The following DENND1B variants were observed in gnomAD, a reference collection of about 807,000 sequenced individuals.
DENND1B encodes DENN domain-containing protein 1B.
A neutral mutation model predicts 90.1 loss-of-function variants in DENND1B; 59 were observed. That is an observed-to-expected ratio of 0.65 (90% CI 0.53 to 0.81). The LOEUF (loss-of-function observed/expected upper bound fraction) is 0.81, where lower values mean the gene tolerates loss of function less well. Ranked by LOEUF, DENND1B falls within the 40% of genes least tolerant of loss-of-function variation. The pLI, the probability that DENND1B is intolerant of heterozygous loss-of-function variation, is 0.00. For missense variants in DENND1B, 862 were observed against 912.6 expected, an observed-to-expected ratio of 0.94 and a Z score of 0.71; for synonymous variants, 337 against 324.6, an observed-to-expected ratio of 1.04 and a Z score of -0.41.
intron 2 of DENND1B, among the ~76,000 whole-genome samples, chr1:197,725,466 A>T (rs1661542665): frequency 6.6e-6 from 1 of 152,264 alleles, no homozygotes; most frequent in African/African-American, 2.4e-5. Context: ...AAAATGCAAG[A>T]AATTATATAT....
At chr1:197,546,209 T>TA (rs1670808645) in intron 17 of DENND1B, among the ~76,000 whole-genome samples, 1 of 152,300 alleles carries the variant, frequency 6.6e-6, no homozygotes, top group South Asian at 2.1e-4. Context: ...CTTTAGTTGA[T>TA]ATAATACATC....
rs534684194 is a variant in DENND1B, at chr1:197,617,653, G to A, written c.773+6C>T. ...ACTTAAAGGAGTCTGGCAAAAGCCA[G>A]CTTACCAGCAGTAGTCCAGCAGGTG... On this transcript the variant is annotated splice_donor_region_variant and intron_variant, in intron 11 of 22. Transcript: ENST00000620048. 4 of 1,602,008 alleles carry A rather than the reference G, an allele frequency of 2.5e-6. No individual in the cohort carries two copies. The highest frequency in any genetic ancestry group is 3.4e-6 in the Non-Finnish European group (4 of 1,170,786).
chr1:197,668,448 CCTA>C (rs2125978648), intron 5 of DENND1B, among the ~76,000 whole-genome samples: 2 of 151,548 alleles, frequency 1.3e-5, no homozygotes, highest in African/African-American at 4.8e-5. Flanking sequence ...CTAATCAATT[CCTA>C]CTGAGGGGCA....
chr1:197,731,646 A>G (rs1486410656), intron 2 of DENND1B, among the ~76,000 whole-genome samples: 1 of 152,224 alleles, frequency 6.6e-6, no homozygotes, highest in Non-Finnish European at 1.5e-5. Flanking sequence ...CCTGGGCCAC[A>G]GTGGAAGAAG....
At chr1:197,627,645 T>A (rs1678894862) in intron 10 of DENND1B, among the ~76,000 whole-genome samples, 1 of 151,832 alleles carries the variant, frequency 6.6e-6, no homozygotes, top group Admixed American at 6.6e-5. Context: ...CTCTCACCAC[T>A]CCTATTCAAC....
chr1:197,596,939 G>A (rs1201210710), intron 13 of DENND1B, among the ~76,000 whole-genome samples: 3 of 151,782 alleles, frequency 2.0e-5, no homozygotes, highest in Non-Finnish European at 4.4e-5. Context: ...CCCCCATTGG[G>A]TCCAATTATA....
rs886134896 is a variant in DENND1B at position 197,735,303 on chromosome 1, T to C, written c.83-20229A>G. On this transcript the variant is annotated intron_variant, in intron 2 of 22. Transcript: ENST00000620048. ...GAGGCAGAATGGCTTTATTCTACTA[T>C]ACCTCTGCTTCAAGTGGTTTTATTT... is the stretch of plus-strand genomic sequence containing the variant. 4.1e-6 allele frequency: 5 copies of C among 1,231,530 alleles called. No homozygotes were observed. The South Asian group carries it at 5.1e-5, about 13-fold the overall frequency. 76.3% of individuals were successfully genotyped at this position (1,231,530 alleles called of 1,614,324 possible). A position where few individuals can be genotyped will look rare whatever the true frequency, so the allele number is the denominator to read the frequency against.
At chr1:197,541,910 G>A (rs945973143) in intron 18 of DENND1B, among the ~76,000 whole-genome samples, 1 of 152,138 alleles carries the variant, frequency 6.6e-6, no homozygotes, top group Admixed American at 6.5e-5. Flanking sequence ...AATCTTTTCA[G>A]ATGCTCTTTA....
At chr1:197,588,137 C>T (rs903804699) in intron 14 of DENND1B, among the ~76,000 whole-genome samples, 1 of 152,162 alleles carries the variant, frequency 6.6e-6, no homozygotes, top group African/African-American at 2.4e-5. Flanking sequence ...AGCACCCAAC[C>T]CAGTACCCTG....
chr1:197,727,595 T>C (rs1254704196), intron 2 of DENND1B, among the ~76,000 whole-genome samples: 5 of 151,846 alleles, frequency 3.3e-5, no homozygotes, highest in Non-Finnish European at 7.4e-5. Flanking sequence ...GGGAATTATA[T>C]TAAAAATGCT....
intron 11 of DENND1B, among the ~76,000 whole-genome samples, chr1:197,612,285 G>C (rs1031255614): frequency 2.0e-5 from 3 of 150,410 alleles, no homozygotes; most frequent in Non-Finnish European, 3.0e-5. Flanking sequence ...CCAGGTCTAG[G>C]CCATAGTCTG....
intron 15 of DENND1B, among the ~76,000 whole-genome samples, chr1:197,555,032 A>G (rs2125690662): frequency 6.6e-6 from 1 of 152,174 alleles, no homozygotes; most frequent in East Asian, 1.9e-4. Context: ...AAAGCTGCAC[A>G]CCTACAACCA....
At chr1:197,625,400 T>C (rs1474093677) in intron 10 of DENND1B, among the ~76,000 whole-genome samples, 1 of 152,128 alleles carries the variant, frequency 6.6e-6, no homozygotes, top group African/African-American at 2.4e-5. Context: ...CAGAATTTCA[T>C]ATCCAGCCAA....
chr1:197,700,431 C>T (rs1334899790), intron 3 of DENND1B, among the ~76,000 whole-genome samples: 1 of 152,046 alleles, frequency 6.6e-6, no homozygotes, highest in Non-Finnish European at 1.5e-5. Context: ...TGAAACTGGA[C>T]CACTGCCTTA....
intron 2 of DENND1B, among the ~76,000 whole-genome samples, chr1:197,754,676 A>AAAAAAAAAAAAAAAAAAAAAAC: frequency 6.6e-6 from 1 of 151,332 alleles, no homozygotes; most frequent in Non-Finnish European, 1.5e-5. Flanking sequence ...AAAAAAAAAA[A>AAAAAAAAAAAAAAAAAAAAAAC]AAAAAAAAAA....
At chr1:197,526,792 TG>T (rs1207910761) in intron 20 of DENND1B, among the ~76,000 whole-genome samples, 1 of 152,184 alleles carries the variant, frequency 6.6e-6, no homozygotes, top group East Asian at 1.9e-4. Flanking sequence ...TGAAAGGAGC[TG>T]GTTTTGAATT....
At chr1:197,770,196 G>T (rs1656240128) in intron 2 of DENND1B, among the ~76,000 whole-genome samples, 1 of 152,000 alleles carries the variant, frequency 6.6e-6, no homozygotes, top group Non-Finnish European at 1.5e-5. Flanking sequence ...ATATAGAATG[G>T]ATTATTTGCA....
chr1:197,676,758 C>T (rs747234441), intron 3 of DENND1B, among the ~76,000 whole-genome samples: 14 of 152,118 alleles, frequency 9.2e-5, no homozygotes, highest in African/African-American at 2.9e-4. Flanking sequence ...CCTAAAACAG[C>T]ACTTCTACTA....
chr1:197,566,943 A>G (rs1672723045), intron 15 of DENND1B, among the ~76,000 whole-genome samples: 2 of 152,130 alleles, frequency 1.3e-5, no homozygotes, highest in South Asian at 2.1e-4. Flanking sequence ...TCATTCATTT[A>G]TTCCTAGAGG....
Sources: gnomAD v4.1 joint callset for allele counts (sites outside exome capture counted in the v4.1 genomes callset) on GRCh38, gnomAD v4.1.1 for gene constraint, MANE v1.5 for transcripts, NCBI Gene and HGNC (gene_info 2026-07-23, HGNC 2026-07-21) for gene names.